The following SEMA5B variants were observed in gnomAD, a reference collection of about 807,000 sequenced individuals.
The protein encoded by SEMA5B is semaphorin-5B.
SEMA5B carries 66 observed loss-of-function variants against 135.0 expected under a neutral mutation model. The observed-to-expected ratio is 0.49, with a 90% confidence interval of 0.40 to 0.60. The LOEUF is 0.60. Ranked by LOEUF, SEMA5B falls within the 20% of genes least tolerant of loss-of-function variation. The pLI, the probability that SEMA5B is intolerant of heterozygous loss-of-function variation, is 0.00. For synonymous variants in SEMA5B, 690 were observed against 639.5 expected, an observed-to-expected ratio of 1.08 and a Z score of -1.19; for missense variants, 1,501 against 1,566.3, an observed-to-expected ratio of 0.96 and a Z score of 0.70.
chr3:123,006,475 C>T (rs965033449), intron 1 of SEMA5B, among the ~76,000 whole-genome samples: 2 of 152,198 alleles, frequency 1.3e-5, no homozygotes, highest in Non-Finnish European at 2.9e-5. Flanking sequence ...TTTAAATAAA[C>T]ACTGAACACA....
chr3:122,969,134 C>T (rs1397354683), intron 1 of SEMA5B, among the ~76,000 whole-genome samples: 1 of 152,196 alleles, frequency 6.6e-6, no homozygotes, highest in African/African-American at 2.4e-5. Context: ...CACCATATGG[C>T]TATAAAATAA....
chr3:122,950,524 G>T (rs765408699), intron 2 of SEMA5B, among the ~76,000 whole-genome samples: 4 of 152,208 alleles, frequency 2.6e-5, no homozygotes, highest in Non-Finnish European at 5.9e-5. Context: ...AGATTTGAGA[G>T]TCAGTGTTTA....
chr3:122,930,694 C>G (rs553689979), intron 5 of SEMA5B, among the ~76,000 whole-genome samples: 2 of 152,218 alleles, frequency 1.3e-5, no homozygotes, highest in Non-Finnish European at 2.9e-5. Flanking sequence ...GTTAAAGTTA[C>G]GCTGAATTCA....
At chr3:122,914,409 C>T (rs1937952545) in intron 14 of SEMA5B, among the ~76,000 whole-genome samples, 2 of 152,206 alleles carry the variant, frequency 1.3e-5, no homozygotes, top group South Asian at 4.1e-4. Flanking sequence ...CTATATTGCA[C>T]ATGCTTTGCT....
chr3:122,940,105 A>G (rs766518748), intron 4 of SEMA5B, among the ~76,000 whole-genome samples: 1 of 151,964 alleles, frequency 6.6e-6, no homozygotes, highest in Non-Finnish European at 1.5e-5. Flanking sequence ...CCACCTCACC[A>G]TCCCTCTCCC....
Position 122,927,920 on chromosome 3 carries a change from G to A in SEMA5B, c.720C>T (p.Val240=). The change falls in exon 8 of 23, where the codon GTC becomes GTT. Residue 240 remains valine (V), a synonymous_variant. Transcript: ENST00000357599. ...PYDPRHNSTA[V]ISSQGELYAA... The stretch of plus-strand genomic sequence containing the variant: ...CATAGAGCTCCCCCTGGGAGGAGAT[G>A]ACAGCTGTGGAGTTGTGGCGTGGGT... 1.3e-6 allele frequency: 2 copies of A among 1,594,342 alleles called. No individual in the cohort carries two copies.
At chr3:123,006,793 T>C (rs1942324691) in intron 1 of SEMA5B, among the ~76,000 whole-genome samples, 1 of 151,990 alleles carries the variant, frequency 6.6e-6, no homozygotes, top group African/African-American at 2.4e-5. Flanking sequence ...CCCCCATCTA[T>C]GTTCAGTTCT....
chr3:123,023,322 GCACACACACACACACA>G (rs3080430), intron 1 of SEMA5B, among the ~76,000 whole-genome samples: 3 of 143,938 alleles, frequency 2.1e-5, no homozygotes, highest in Non-Finnish European at 4.6e-5. Context: ...ACTATTTCCA[GCACACACACACACACA>G]CACACACACA....
At chr3:122,915,701 G>C in intron 13 of SEMA5B, 72 bp downstream of exon 13, 8 of 1,601,978 alleles carry the variant, frequency 5.0e-6, no homozygotes, top group Non-Finnish European at 6.8e-6. Context: ...GGGATTGGGG[G>C]AATATTGGTG....
At chr3:122,952,122 T>C (rs904063827) in intron 2 of SEMA5B, among the ~76,000 whole-genome samples, 5 of 152,066 alleles carry the variant, frequency 3.3e-5, no homozygotes, top group Non-Finnish European at 5.9e-5. Flanking sequence ...CATACTTTGC[T>C]CCTCCCCAGA....
At chr3:123,016,946 C>A (rs1202117547) in intron 1 of SEMA5B, among the ~76,000 whole-genome samples, 1 of 140,852 alleles carries the variant, frequency 7.1e-6, no homozygotes, top group Non-Finnish European at 1.5e-5. Context: ...GGCTGAAGTG[C>A]AGTGGCGCGA....
At chr3:122,923,178 C>T (rs1938457430) in intron 10 of SEMA5B, among the ~76,000 whole-genome samples, 1 of 152,186 alleles carries the variant, frequency 6.6e-6, no homozygotes, top group South Asian at 2.1e-4. Context: ...GATACTCACA[C>T]TACCCACGGC....
chr3:122,925,253 A>AC (rs1203343370), intron 9 of SEMA5B, among the ~76,000 whole-genome samples: 2 of 151,496 alleles, frequency 1.3e-5, no homozygotes, highest in South Asian at 2.1e-4. Context: ...CTCGGTGCCC[A>AC]CCCATCACTG....
intron 1 of SEMA5B, among the ~76,000 whole-genome samples, chr3:123,026,913 T>C (rs1004830287): frequency 6.6e-6 from 1 of 152,126 alleles, no homozygotes; most frequent in Non-Finnish European, 1.5e-5. Context: ...GGCAAGAGTG[T>C]CCTGGAGGCG....
chr3:123,000,872 C>G (rs1287951376), intron 1 of SEMA5B, among the ~76,000 whole-genome samples: 1 of 152,218 alleles, frequency 6.6e-6, no homozygotes, highest in Non-Finnish European at 1.5e-5. Flanking sequence ...CTTTCAGACA[C>G]CTGCGTACGT....
chr3:122,920,016 C>T (rs564574870), intron 12 of SEMA5B, among the ~76,000 whole-genome samples: 2 of 152,304 alleles, frequency 1.3e-5, no homozygotes, highest in South Asian at 2.1e-4. Context: ...CTGCAGGCCC[C>T]GTTCCTTCAG....
intron 21 of SEMA5B, 141 bp from the exon 22 acceptor site, chr3:122,911,186 A>G: frequency 9.8e-7 from 1 of 1,021,664 alleles, no homozygotes. Context: ...CAAAGGAAAC[A>G]GGGAGGCTGG....
chr3:122,957,752 A>G (rs1046209075), intron 2 of SEMA5B, among the ~76,000 whole-genome samples: 2 of 152,176 alleles, frequency 1.3e-5, no homozygotes, highest in African/African-American at 4.8e-5. Context: ...TCCCCCTGCC[A>G]CTGCCAGTGA....
intron 1 of SEMA5B, among the ~76,000 whole-genome samples, chr3:122,966,624 A>T (rs537963662): frequency 1.3e-5 from 2 of 149,924 alleles, no homozygotes; most frequent in African/African-American, 4.9e-5. Context: ...GCGTGATCTC[A>T]GCTCACTGCA....
Sources: gnomAD v4.1 joint callset for allele counts (sites outside exome capture counted in the v4.1 genomes callset) on GRCh38, gnomAD v4.1.1 for gene constraint, MANE v1.5 for transcripts, NCBI Gene and HGNC (gene_info 2026-07-23, HGNC 2026-07-21) for gene names.